The following AGO3 variants were observed in gnomAD, a reference collection of about 807,000 sequenced individuals.
AGO3 encodes argonaute RISC catalytic component 3, also known as protein argonaute-3.
In AGO3, 16 loss-of-function variants were observed where a neutral mutation model predicts 105.5. That is an observed-to-expected ratio of 0.15 (90% confidence interval 0.10 to 0.23). The LOEUF (loss-of-function observed/expected upper bound fraction) is 0.23. AGO3 is among the 10% of genes least tolerant of loss of function. The pLI, the probability that AGO3 is intolerant of heterozygous loss-of-function variation, is 1.00. For missense variants in AGO3, 534 were observed against 1,088.0 expected, an observed-to-expected ratio of 0.49 and a Z score of 7.16; for synonymous variants, 340 against 367.3, an observed-to-expected ratio of 0.93 and a Z score of 0.85.
chr1:35,961,978 T>G (rs1055962487), intron 2 of AGO3, among the ~76,000 whole-genome samples: 3 of 152,222 alleles, frequency 2.0e-5, no homozygotes, highest in African/African-American at 7.2e-5. Flanking sequence ...TTATGTTTCT[T>G]CTTTATTTTG....
chr1:35,938,848 G>T (rs1194559790), intron 1 of AGO3, among the ~76,000 whole-genome samples: 1 of 151,698 alleles, frequency 6.6e-6, no homozygotes, highest in Non-Finnish European at 1.5e-5. Flanking sequence ...TTCACTGCTT[G>T]TTTTTTTTCA....
intron 11 of AGO3, among the ~76,000 whole-genome samples, chr1:36,016,071 A>G (rs1285029703): frequency 6.6e-6 from 1 of 152,204 alleles, no homozygotes; most frequent in Non-Finnish European, 1.5e-5. Context: ...ACAGCTTGGC[A>G]TTTGCCTTAT....
At chr1:35,998,635 C>A (rs1255765663) in intron 5 of AGO3, among the ~76,000 whole-genome samples, 3 of 151,922 alleles carry the variant, frequency 2.0e-5, no homozygotes, top group Admixed American at 2.0e-4. Context: ...GTATATATTT[C>A]TCTTTGTCTT....
At position 35,995,199 on chromosome 1, in the gene AGO3, T is replaced by TAAA. The variant is rs1295296314; in HGVS notation, c.659-9133_659-9131dup. Among the ~76,000 whole-genome samples, 21 of 110,602 alleles carry TAAA rather than the reference T, an allele frequency of 1.9e-4. No homozygotes were observed. The South Asian group carries it at 2.4e-3, about 12-fold the overall frequency. The allele number at this position is 110,602 out of a possible 152,430, so 72.6% of individuals were successfully genotyped here. A position where few individuals can be genotyped will look rare whatever the true frequency, so the allele number is the denominator to read the frequency against. ...CTGGGCAACAGAGCAAGACACTGTC[T>TAAA]AAAAAAAAAAATATATATATATATA... On this transcript the variant is annotated intron_variant, in intron 5 of 18. Coordinates refer to ENST00000373191, the MANE Select transcript of AGO3 (RefSeq NM_024852.4).
chr1:36,037,859 T>TC (rs1642081132), intron 14 of AGO3, among the ~76,000 whole-genome samples: 1 of 152,190 alleles, frequency 6.6e-6, no homozygotes, highest in African/African-American at 2.4e-5. Flanking sequence ...CTACTTTGGG[T>TC]CATTTTCCAC....
At chr1:35,934,397 C>CATA (rs1286431549) in intron 1 of AGO3, among the ~76,000 whole-genome samples, 2 of 152,134 alleles carry the variant, frequency 1.3e-5, no homozygotes, top group East Asian at 3.8e-4. Context: ...CTGTTTCTTT[C>CATA]TTATTTACAC....
At chr1:35,955,271 A>G (rs1443516624) in intron 2 of AGO3, among the ~76,000 whole-genome samples, 2 of 152,196 alleles carry the variant, frequency 1.3e-5, no homozygotes, top group Non-Finnish European at 2.9e-5. Flanking sequence ...CTGTTGTAGT[A>G]GTCTAGGTTA....
intron 1 of AGO3, among the ~76,000 whole-genome samples, chr1:35,931,674 A>G (rs1646052002): frequency 1.3e-5 from 2 of 152,130 alleles, no homozygotes; most frequent in African/African-American, 4.8e-5. Context: ...TGGAGGATTT[A>G]AGTTTGGGGT....
At chr1:35,988,694 G>A (rs1414895581) in intron 5 of AGO3, among the ~76,000 whole-genome samples, 1 of 151,814 alleles carries the variant, frequency 6.6e-6, no homozygotes, top group Non-Finnish European at 1.5e-5. Context: ...GGTCGCTTAG[G>A]TTGTTTCCAT....
chr1:36,028,208 ATTTTTTAT>A (rs935757965), intron 12 of AGO3, among the ~76,000 whole-genome samples: 4 of 151,666 alleles, frequency 2.6e-5, no homozygotes, highest in South Asian at 2.1e-4. Flanking sequence ...CACTGGACTA[ATTTTTTAT>A]TTTTTTATTT....
At chr1:35,956,208 A>G (rs1646562700) in intron 2 of AGO3, among the ~76,000 whole-genome samples, 2 of 152,190 alleles carry the variant, frequency 1.3e-5, no homozygotes, top group African/African-American at 4.8e-5. Context: ...AAGAATGAAC[A>G]ATTTAGGTAT....
At chr1:35,946,405 A>G (rs1646365960) in intron 2 of AGO3, among the ~76,000 whole-genome samples, 1 of 152,186 alleles carries the variant, frequency 6.6e-6, no homozygotes, top group Non-Finnish European at 1.5e-5. Flanking sequence ...CCCAAATGCC[A>G]TTTATATTCT....
intron 2 of AGO3, among the ~76,000 whole-genome samples, chr1:35,960,344 C>A (rs1017592894): frequency 6.6e-6 from 1 of 152,130 alleles, no homozygotes; most frequent in African/African-American, 2.4e-5. Flanking sequence ...ATACTAAAAT[C>A]TGCTGGATGC....
In AGO3 at chr1:35,931,250, C is replaced by T; in HGVS notation, c.-177C>T. 4.2e-6 allele frequency: 2 copies of T among 470,760 alleles called. No individual in the cohort carries two copies. Among genetic ancestry groups the T allele is most frequent in the Non-Finnish European group, 7.5e-6 (2 of 268,084 alleles). The allele number at this position is 470,760 out of a possible 1,614,324, so 29.2% of individuals were successfully genotyped here. Reference sequence around the variant, plus strand: ...CTAGTCCTGTGCCGTTTTCCGTCCGCGACTCTTCCGGCCCAGAGCTTTCGG... The same window carrying T: ...CTAGTCCTGTGCCGTTTTCCGTCCGTGACTCTTCCGGCCCAGAGCTTTCGG... On this transcript the variant is annotated 5_prime_UTR_variant, in exon 1 of 19. Transcript: ENST00000373191.
At chr1:35,982,834 G>A (rs1647078401) in intron 5 of AGO3, 1 of 487,036 alleles carries the variant, frequency 2.1e-6, no homozygotes, top group Non-Finnish European at 3.7e-6. Flanking sequence ...GGAACGGATT[G>A]GAAAAAAATA....
Position 36,013,751 on chromosome 1 carries a change from G to C in AGO3, c.1271G>C (p.Arg424Pro). 6.2e-7 allele frequency: 1 copy of C among 1,613,422 alleles called. No homozygotes were observed. Among genetic ancestry groups the C allele is most frequent in the Non-Finnish European group, 8.5e-7 (1 of 1,179,566 alleles). The change falls in exon 10 of 19, where the codon CGG becomes CCG. Residue 424 changes from arginine to proline, a missense_variant and splice_region_variant. Around this residue, in one of 2 missense-constraint regions of AGO3, gnomAD observed 373 missense variants for 854.0 expected, o/e 0.44. Coordinates refer to ENST00000373191, the MANE Select transcript of AGO3 (RefSeq NM_024852.4). The part of the protein sequence containing the change: ...LPAPMLQYGG[R>P]NRTVATPSHG... ...GCACCTATGCTCCAGTATGGAGGAC[G>C]GGTAAAGTCTCTTGTTAATGTTTTA...
rs148221640 is a variant in AGO3 at position 36,022,727 on chromosome 1, T to G, written c.1407-4387T>G. 9.6e-3 allele frequency among the ~76,000 whole-genome samples: 1,451 copies of G among 151,430 alleles called. 23 individuals are homozygous for G. The highest frequency in any genetic ancestry group is 0.033 in the African/African-American group (1,357 of 41,260). Reference sequence around the variant, plus strand: ...CGGGTGGATTACCTGAGGTCAGGAGTTCGAGACCAGCCTGGCCAACATGGT... The same window carrying G: ...CGGGTGGATTACCTGAGGTCAGGAGGTCGAGACCAGCCTGGCCAACATGGT... On this transcript the variant is annotated intron_variant, in intron 11 of 18. Coordinates refer to ENST00000373191, the MANE Select transcript of AGO3 (RefSeq NM_024852.4).
intron 16 of AGO3, among the ~76,000 whole-genome samples, chr1:36,041,670 C>T (rs1340902202): frequency 6.6e-5 from 10 of 152,032 alleles, no homozygotes; most frequent in Non-Finnish European, 1.5e-4. Flanking sequence ...GTGTTGTTTC[C>T]CCTTGAGAAA....
intron 2 of AGO3, among the ~76,000 whole-genome samples, chr1:35,960,201 C>G (rs1557652539): frequency 6.6e-6 from 1 of 152,094 alleles, no homozygotes; most frequent in African/African-American, 2.4e-5. Context: ...AATTACTGTT[C>G]TAAAGAGTGT....
Sources: gnomAD v4.1 joint callset for allele counts (sites outside exome capture counted in the v4.1 genomes callset) on GRCh38, gnomAD v4.1.1 for gene constraint, gnomAD v4.1.1 regional missense constraint, MANE v1.5 for transcripts, NCBI Gene and HGNC (gene_info 2026-07-23, HGNC 2026-07-21) for gene names.